The following NEDD4L variants were observed in gnomAD, a reference collection of about 807,000 sequenced individuals.
NEDD4L encodes E3 ubiquitin-protein ligase NEDD4-like.
NEDD4L carries 54 observed loss-of-function variants against 148.9 expected under a neutral mutation model. That is an observed-to-expected ratio of 0.36 (90% CI 0.29 to 0.45). The LOEUF (loss-of-function observed/expected upper bound fraction) is 0.45. Among genes scored for constraint, NEDD4L ranks in the 20% least tolerant of loss-of-function variants. The pLI is 1.00. For synonymous variants in NEDD4L, 433 were observed against 440.7 expected (o/e 0.98, Z 0.22); for missense variants, 856 against 1,233.8 (o/e 0.69, Z 4.59).
intron 16 of NEDD4L, among the ~76,000 whole-genome samples, chr18:58,343,700 C>T (rs1387889683): frequency 6.6e-6 from 1 of 152,190 alleles, no homozygotes; most frequent in East Asian, 1.9e-4. Flanking sequence ...CTTTCATGTA[C>T]TCCTGAATTG....
chr18:58,105,326 C>T (rs1335555101), intron 1 of NEDD4L, among the ~76,000 whole-genome samples: 2 of 152,178 alleles, frequency 1.3e-5, no homozygotes, highest in East Asian at 1.9e-4. Context: ...TCTCCCTGTT[C>T]TCCCTGCATT....
intron 1 of NEDD4L, among the ~76,000 whole-genome samples, chr18:58,055,730 A>G (rs187950855): frequency 6.6e-6 from 1 of 152,352 alleles, no homozygotes; most frequent in Admixed American, 6.5e-5. Flanking sequence ...GCAGTTTGCA[A>G]AATAGATGTT....
At chr18:58,157,502 A>T (rs1187496997) in intron 1 of NEDD4L, among the ~76,000 whole-genome samples, 1 of 152,054 alleles carries the variant, frequency 6.6e-6, no homozygotes, top group Non-Finnish European at 1.5e-5. Flanking sequence ...ATGGAAAGTT[A>T]TTTCAGTGGC....
At chr18:58,179,736 C>T (rs916120066) in intron 2 of NEDD4L, among the ~76,000 whole-genome samples, 1 of 150,958 alleles carries the variant, frequency 6.6e-6, no homozygotes, top group Non-Finnish European at 1.5e-5. Flanking sequence ...GTCACTGTCC[C>T]CCATCACCCC....
intron 5 of NEDD4L, among the ~76,000 whole-genome samples, chr18:58,309,904 T>C (rs1372763472): frequency 1.3e-5 from 2 of 151,718 alleles, no homozygotes; most frequent in East Asian, 1.9e-4. Context: ...CACAAAGGAG[T>C]GTCTTCTCAC....
intron 18 of NEDD4L, among the ~76,000 whole-genome samples, chr18:58,354,963 C>T (rs1263845275): frequency 6.6e-6 from 1 of 152,138 alleles, no homozygotes; most frequent in Non-Finnish European, 1.5e-5. Context: ...TGCCACGTTC[C>T]GAGAAACGCA....
chr18:58,147,762 C>T (rs1351390480), intron 1 of NEDD4L, among the ~76,000 whole-genome samples: 1 of 152,138 alleles, frequency 6.6e-6, no homozygotes, highest in Non-Finnish European at 1.5e-5. Context: ...GTCTTTTGTT[C>T]AGTTGTCTCA....
chr18:58,392,886 C>T (rs2050017328), intron 30 of NEDD4L, among the ~76,000 whole-genome samples: 1 of 152,170 alleles, frequency 6.6e-6, no homozygotes, highest in Non-Finnish European at 1.5e-5. Flanking sequence ...TGGGCACAGT[C>T]ATCATCTGTG....
chr18:58,387,545 ATC>A, intron 27 of NEDD4L, 47 bp downstream of exon 27: 3 of 1,452,578 alleles, frequency 2.1e-6, no homozygotes, highest in Non-Finnish European at 2.8e-6. Context: ...TTTTTAAAGT[ATC>A]TCTCATTACT....
chr18:58,162,217 G>A (rs2036301331), intron 1 of NEDD4L, among the ~76,000 whole-genome samples: 1 of 152,102 alleles, frequency 6.6e-6, no homozygotes, highest in Admixed American at 6.5e-5. Context: ...TCACTCGCCT[G>A]CTTAAAACTT....
At chr18:58,271,529 A>G (rs2051041254) in intron 5 of NEDD4L, among the ~76,000 whole-genome samples, 2 of 152,222 alleles carry the variant, frequency 1.3e-5, no homozygotes, top group African/African-American at 2.4e-5. Flanking sequence ...AACAGTTGTT[A>G]TAATTTAAAA....
intron 5 of NEDD4L, among the ~76,000 whole-genome samples, chr18:58,309,414 C>T (rs2057418839): frequency 2.0e-5 from 3 of 152,186 alleles, no homozygotes; most frequent in East Asian, 1.9e-4. Flanking sequence ...TGCTCATGCC[C>T]CTGCTACGTG....
intron 1 of NEDD4L, among the ~76,000 whole-genome samples, chr18:58,111,215 A>G (rs1028861734): frequency 6.6e-6 from 1 of 152,100 alleles, no homozygotes; most frequent in African/African-American, 2.4e-5. Context: ...CTACAAGCTC[A>G]TGCCACTACA....
At chr18:58,388,867 C>G (rs1817333535) in intron 27 of NEDD4L, 1 of 571,462 alleles carries the variant, frequency 1.7e-6, no homozygotes, top group Admixed American at 2.8e-5. Context: ...GTGGCTTGCG[C>G]AAGGTTCGAA....
At chr18:58,315,877 G>A (rs1423271601) in intron 5 of NEDD4L, 105 bp from the exon 6 acceptor site, 1 of 1,019,768 alleles carries the variant, frequency 9.8e-7, no homozygotes, top group African/African-American at 1.6e-5. Flanking sequence ...ACATTCCAGT[G>A]CCAGGCCCTG....
At chr18:58,244,677 GT>G (rs1309484772) in intron 2 of NEDD4L, among the ~76,000 whole-genome samples, 1 of 151,924 alleles carries the variant, frequency 6.6e-6, no homozygotes, top group Middle Eastern at 3.2e-3. Context: ...GTTTTTTTAT[GT>G]TTTTGTTTTT....
At chr18:58,276,666 A>G (rs1383085867) in intron 5 of NEDD4L, among the ~76,000 whole-genome samples, 3 of 147,692 alleles carry the variant, frequency 2.0e-5, no homozygotes, top group South Asian at 2.1e-4. Flanking sequence ...GTGTTTTACA[A>G]TTGTGGTCAG....
At chr18:58,209,903 A>G (rs531147384) in intron 2 of NEDD4L, among the ~76,000 whole-genome samples, 3 of 152,164 alleles carry the variant, frequency 2.0e-5, no homozygotes, top group Non-Finnish European at 2.9e-5. Context: ...ATGATGGCTC[A>G]CACCTGTAAT....
intron 1 of NEDD4L, among the ~76,000 whole-genome samples, chr18:58,085,693 T>C (rs1215304338): frequency 2.0e-5 from 3 of 152,230 alleles, no homozygotes; most frequent in Non-Finnish European, 4.4e-5. Context: ...GGAGTGTCAT[T>C]GATTCAGTAT....
Sources: allele counts gnomAD v4.1 joint callset (sites outside exome capture counted in the v4.1 genomes callset), GRCh38; gene constraint gnomAD v4.1.1; transcripts MANE v1.5; gene names NCBI Gene and HGNC (gene_info 2026-07-23, HGNC 2026-07-21).